MAML2: variants seen among roughly 807,000 people sequenced by gnomAD.
The protein encoded by MAML2 is mastermind-like protein 2.
A neutral mutation model predicts 96.1 loss-of-function variants in MAML2; 22 were observed. The observed-to-expected ratio is 0.23, with a 90% CI of 0.16 to 0.33. The LOEUF is 0.33. MAML2 is among the 10% of genes least tolerant of loss of function. MAML2 has a pLI of 1.00. For missense variants in MAML2, 1,367 were observed against 1,392.4 expected, an observed-to-expected ratio of 0.98 and a Z score of 0.29; for synonymous variants, 561 against 521.3, an observed-to-expected ratio of 1.08 and a Z score of -1.04.
chr11:96,024,148 T>C (rs903090094), intron 2 of MAML2, among the ~76,000 whole-genome samples: 4 of 152,206 alleles, frequency 2.6e-5, no homozygotes, highest in African/African-American at 9.7e-5. Context: ...TATTTTTTAA[T>C]AGATGATTAA....
At chr11:96,155,638 C>T (rs964078030) in intron 1 of MAML2, among the ~76,000 whole-genome samples, 1 of 147,784 alleles carries the variant, frequency 6.8e-6, no homozygotes, top group African/African-American at 2.5e-5. Context: ...TTTGTTTCTA[C>T]TAAGTTGCTC....
At position 96,120,493 on chromosome 11, in the gene MAML2, G is replaced by A. The variant is rs147298192; in HGVS notation, c.514-26976C>T. Among the ~76,000 whole-genome samples the A allele has an allele frequency of 5.7e-3, 874 of 152,258 alleles. 7 individuals are homozygous for A. The highest frequency in any genetic ancestry group is 9.6e-3 in the Non-Finnish European group (650 of 68,020). ...CCAGAAGCCCAGATCCTGACAGATCGCACCACGGTGACACTTTACTCTTCC... is the reference window on the plus strand; with the variant it reads ...CCAGAAGCCCAGATCCTGACAGATCACACCACGGTGACACTTTACTCTTCC... On this transcript the variant is annotated intron_variant, in intron 1 of 4. Coordinates refer to ENST00000524717, the MANE Select transcript of MAML2 (RefSeq NM_032427.4).
chr11:96,290,707 A>C (rs1863196756), intron 1 of MAML2, among the ~76,000 whole-genome samples: 1 of 152,286 alleles, frequency 6.6e-6, no homozygotes, highest in Non-Finnish European at 1.5e-5. Flanking sequence ...TAGAATGAAA[A>C]CCTTCATGAA....
chr11:96,034,417 G>GTT (rs1200704737), intron 2 of MAML2, among the ~76,000 whole-genome samples: 2 of 96,582 alleles, frequency 2.1e-5, no homozygotes, highest in Non-Finnish European at 4.2e-5. Context: ...AAGTGTGTGT[G>GTT]TGTGTGTGTG....
At chr11:96,091,736 G>T (rs976654619) in intron 2 of MAML2, among the ~76,000 whole-genome samples, 156 bp downstream of exon 2, 1 of 152,102 alleles carries the variant, frequency 6.6e-6, no homozygotes, top group Non-Finnish European at 1.5e-5. Flanking sequence ...TGCCCTCAAC[G>T]AACCAGGCTT....
At chr11:96,204,196 G>C (rs1861865282) in intron 1 of MAML2, among the ~76,000 whole-genome samples, 2 of 152,284 alleles carry the variant, frequency 1.3e-5, no homozygotes, top group South Asian at 2.1e-4. Flanking sequence ...ACTTGGAGGG[G>C]CAAATGGAAG....
intron 2 of MAML2, among the ~76,000 whole-genome samples, chr11:96,012,899 A>G (rs1320714261): frequency 6.6e-6 from 1 of 152,206 alleles, no homozygotes; most frequent in Non-Finnish European, 1.5e-5. Context: ...TATAAAGTCA[A>G]CTAATGCTGC....
chr11:96,143,861 T>C (rs535560122), intron 1 of MAML2, among the ~76,000 whole-genome samples: 30 of 152,326 alleles, frequency 2.0e-4, no homozygotes, highest in African/African-American at 6.0e-4. Flanking sequence ...AACCTTGCTC[T>C]CTAATTATAG....
intron 3 of MAML2, among the ~76,000 whole-genome samples, chr11:95,989,545 A>C (rs543194911): frequency 9.6e-4 from 146 of 152,322 alleles, no homozygotes; most frequent in African/African-American, 3.3e-3. Context: ...AATTAGTAGT[A>C]TTGATGGTAG....
At chr11:96,212,689 C>T (rs1413043763) in intron 1 of MAML2, among the ~76,000 whole-genome samples, 4 of 151,984 alleles carry the variant, frequency 2.6e-5, no homozygotes, top group African/African-American at 9.7e-5. Flanking sequence ...ATGATAGAGA[C>T]GGCAGAAGAG....
intron 1 of MAML2, among the ~76,000 whole-genome samples, chr11:96,261,413 GAAAAC>G (rs1187281158): frequency 6.6e-6 from 1 of 152,106 alleles, no homozygotes; most frequent in Non-Finnish European, 1.5e-5. Context: ...ATAAGCAAAA[GAAAAC>G]AAACTAAGAC....
intron 1 of MAML2, among the ~76,000 whole-genome samples, chr11:96,282,228 G>A (rs1024780307): frequency 1.4e-5 from 2 of 147,704 alleles, no homozygotes; most frequent in Middle Eastern, 3.3e-3. Context: ...CAACCTGGGC[G>A]ACAGAGCAAG....
chr11:96,341,488 C>T lies in MAML2; in HGVS notation c.408G>A (p.Gln136=). The stretch of plus-strand genomic sequence containing the variant: ...CATTATTGCTACTGTTCAGCAGGTG[C>T]TGCTGGTGGTGATGGTGATAGTCTG... ...PPPDYHHHHQ[Q]HLLNSSNNGG... The change falls in exon 1 of 5, where the codon CAG becomes CAA. Residue 136 remains glutamine, a synonymous_variant. Coordinates refer to ENST00000524717, the MANE Select transcript of MAML2 (RefSeq NM_032427.4). 1 of 1,551,362 alleles carries T rather than the reference C, an allele frequency of 6.4e-7. No homozygotes were observed.
At chr11:96,181,356 G>A (rs1270295697) in intron 1 of MAML2, among the ~76,000 whole-genome samples, 1 of 152,158 alleles carries the variant, frequency 6.6e-6, no homozygotes, top group Non-Finnish European at 1.5e-5. Flanking sequence ...TCTCTGCAAT[G>A]CTTCATGAGA....
chr11:96,041,274 T>C (rs1266043202), intron 2 of MAML2, among the ~76,000 whole-genome samples: 1 of 151,012 alleles, frequency 6.6e-6, no homozygotes, highest in African/African-American at 2.4e-5. Flanking sequence ...GTGGATCACT[T>C]GAGGTCAGGA....
intron 2 of MAML2, among the ~76,000 whole-genome samples, chr11:96,066,274 G>A (rs1036911377): frequency 2.6e-5 from 4 of 152,180 alleles, no homozygotes; most frequent in East Asian, 1.9e-4. Flanking sequence ...TAGTGTCATC[G>A]TGTTAAATGA....
At chr11:96,125,701 A>G (rs1860427574) in intron 1 of MAML2, among the ~76,000 whole-genome samples, 1 of 152,208 alleles carries the variant, frequency 6.6e-6, no homozygotes, top group Non-Finnish European at 1.5e-5. Context: ...GTGAAAGGCA[A>G]TGAGTAAAGG....
chr11:95,978,906 C>A lies in MAML2; in HGVS notation c.*42G>T. 1 of 1,538,816 alleles carries A rather than the reference C, an allele frequency of 6.5e-7. No homozygotes were observed. Among genetic ancestry groups the A allele is most frequent in the Non-Finnish European group, 8.8e-7 (1 of 1,141,040 alleles). ...CTACAGAGTTTCTGTAATATACTGC[C>A]TTTTAGTGCTTGGAGTTTGTAAATT... On this transcript the variant is annotated 3_prime_UTR_variant, in exon 5 of 5. Transcript: ENST00000524717.
intron 2 of MAML2, among the ~76,000 whole-genome samples, chr11:96,069,235 T>C (rs1005715877): frequency 6.6e-6 from 1 of 152,156 alleles, no homozygotes; most frequent in Non-Finnish European, 1.5e-5. Flanking sequence ...GCCTATTTTC[T>C]TCCTTTCCCT....
Sources: gnomAD v4.1 joint callset for allele counts (sites outside exome capture counted in the v4.1 genomes callset) on GRCh38, gnomAD v4.1.1 for gene constraint, MANE v1.5 for transcripts, NCBI Gene and HGNC (gene_info 2026-07-23, HGNC 2026-07-21) for gene names.